Variants in HECW2 observed in about 807,000 individuals in gnomAD.
The protein encoded by HECW2 is E3 ubiquitin-protein ligase HECW2.
Under a neutral mutation model 175.2 loss-of-function variants are expected in HECW2, and 61 were observed. That is an observed-to-expected ratio of 0.35 (90% CI 0.28 to 0.43). The LOEUF is 0.43. Ranked by LOEUF, HECW2 falls within the 20% of genes least tolerant of loss-of-function variation. HECW2 has a pLI of 1.00. For missense variants in HECW2, 1,524 were observed against 2,000.5 expected, an observed-to-expected ratio of 0.76 and a Z score of 4.54; for synonymous variants, 671 against 731.0, an observed-to-expected ratio of 0.92 and a Z score of 1.32.
At chr2:196,349,638 A>G (rs1693100160) in intron 2 of HECW2, among the ~76,000 whole-genome samples, 2 of 152,096 alleles carry the variant, frequency 1.3e-5, no homozygotes. Context: ...GATTTCATTT[A>G]TTATTATTTT....
At chr2:196,404,974 G>A (rs1694925438) in intron 2 of HECW2, among the ~76,000 whole-genome samples, 1 of 142,028 alleles carries the variant, frequency 7.0e-6, no homozygotes, top group African/African-American at 2.6e-5. Context: ...ACAGGTGTCC[G>A]CCACCACTCC....
At chr2:196,454,217 A>G (rs1696434169) in intron 1 of HECW2, among the ~76,000 whole-genome samples, 1 of 152,126 alleles carries the variant, frequency 6.6e-6, no homozygotes, top group South Asian at 2.1e-4. Flanking sequence ...GCCTCGCCAG[A>G]TTTATACATG....
intron 1 of HECW2, among the ~76,000 whole-genome samples, chr2:196,502,273 T>A (rs1283559436): frequency 6.7e-6 from 1 of 149,592 alleles, no homozygotes; most frequent in Non-Finnish European, 1.5e-5. Flanking sequence ...TTCTTTGTTT[T>A]TATTTGTTTG....
chr2:196,437,203 T>C (rs987564274), intron 1 of HECW2, among the ~76,000 whole-genome samples: 2 of 151,936 alleles, frequency 1.3e-5, no homozygotes, highest in African/African-American at 2.4e-5. Flanking sequence ...AGCATTCTAA[T>C]TGGAAGCATG....
At chr2:196,520,280 AG>A (rs1254228303) in intron 1 of HECW2, among the ~76,000 whole-genome samples, 9 of 149,670 alleles carry the variant, frequency 6.0e-5, no homozygotes, top group Non-Finnish European at 3.0e-5. Context: ...AAAAAAAAAA[AG>A]ATCCAGTGAG....
At chr2:196,540,598 C>G (rs1313137656) in intron 1 of HECW2, among the ~76,000 whole-genome samples, 1 of 152,010 alleles carries the variant, frequency 6.6e-6, no homozygotes, top group Non-Finnish European at 1.5e-5. Flanking sequence ...AGTACAACAC[C>G]ATGCACGGCT....
intron 2 of HECW2, among the ~76,000 whole-genome samples, chr2:196,345,837 T>A (rs747080064): frequency 6.6e-6 from 1 of 152,226 alleles, no homozygotes; most frequent in Non-Finnish European, 1.5e-5. Context: ...TTCTGAAAGA[T>A]ACTTTAATTA....
intron 23 of HECW2, among the ~76,000 whole-genome samples, chr2:196,225,486 G>T (rs2105831369): frequency 6.6e-6 from 1 of 152,296 alleles, no homozygotes; most frequent in East Asian, 1.9e-4. Context: ...GGCTGTGTTT[G>T]AAGTACAATT....
intron 13 of HECW2, among the ~76,000 whole-genome samples, chr2:196,295,286 C>T (rs1266059792): frequency 2.1e-5 from 3 of 143,194 alleles, no homozygotes; most frequent in Non-Finnish European, 4.8e-5. Flanking sequence ...AGAAGTTGGG[C>T]AGTGTCAGAA....
At chr2:196,260,648 C>T (rs764956358) in intron 17 of HECW2, 5 of 152,150 alleles carry the variant, frequency 3.3e-5, no homozygotes, top group African/African-American at 9.7e-5. Context: ...AGTCCTTTCA[C>T]GTAGAAACAA....
chr2:196,401,906 A>T (rs1694826486), intron 2 of HECW2, among the ~76,000 whole-genome samples: 3 of 152,172 alleles, frequency 2.0e-5, no homozygotes, highest in African/African-American at 7.2e-5. Flanking sequence ...TAGGCGTCAT[A>T]AGAAGGGAAA....
At chr2:196,508,182 T>C (rs541718837) in intron 1 of HECW2, among the ~76,000 whole-genome samples, 1 of 152,336 alleles carries the variant, frequency 6.6e-6, no homozygotes, top group East Asian at 1.9e-4. Flanking sequence ...ACACTACTTT[T>C]CTTCAGCTAA....
At chr2:196,409,063 G>A (rs1168685942) in intron 2 of HECW2, among the ~76,000 whole-genome samples, 1 of 152,172 alleles carries the variant, frequency 6.6e-6, no homozygotes, top group African/African-American at 2.4e-5. Flanking sequence ...GGCCATGGTA[G>A]AAGTATTTAT....
intron 2 of HECW2, among the ~76,000 whole-genome samples, chr2:196,367,191 C>G (rs979229112): frequency 1.3e-5 from 2 of 152,152 alleles, no homozygotes; most frequent in African/African-American, 4.8e-5. Flanking sequence ...AAACATATCG[C>G]ACAGATTCCC....
At chr2:196,253,336 T>C (rs1688928359) in intron 19 of HECW2, among the ~76,000 whole-genome samples, 1 of 152,238 alleles carries the variant, frequency 6.6e-6, no homozygotes, top group South Asian at 2.1e-4. Context: ...AAAGCTCATT[T>C]GCCAAGCTGC....
At chr2:196,374,300 G>A (rs6434845) in intron 2 of HECW2, among the ~76,000 whole-genome samples, 152,226 of 152,312 alleles carry the variant, frequency 1, 76,070 homozygotes, top group Non-Finnish European at 1. Flanking sequence ...TACAATAGGA[G>A]CTTAACTGGA....
intron 2 of HECW2, among the ~76,000 whole-genome samples, chr2:196,402,278 T>G (rs1694843912): frequency 6.6e-6 from 1 of 151,748 alleles, no homozygotes; most frequent in Non-Finnish European, 1.5e-5. Context: ...ATGACAAGCT[T>G]TAGCTCAGAA....
intron 1 of HECW2, among the ~76,000 whole-genome samples, chr2:196,553,724 C>G (rs1184142401): frequency 6.6e-6 from 1 of 152,190 alleles, no homozygotes; most frequent in Non-Finnish European, 1.5e-5. Flanking sequence ...GCCAGTGGCT[C>G]ACTAGACCAA....
At chr2:196,367,040 T>C (rs1693762792) in intron 2 of HECW2, among the ~76,000 whole-genome samples, 1 of 152,194 alleles carries the variant, frequency 6.6e-6, no homozygotes, top group Non-Finnish European at 1.5e-5. Context: ...TTTCCAATAA[T>C]GCTTTGCATA....
Sources: gnomAD v4.1 joint callset for allele counts (sites outside exome capture counted in the v4.1 genomes callset) on GRCh38, gnomAD v4.1.1 for gene constraint, MANE v1.5 for transcripts, NCBI Gene and HGNC (gene_info 2026-07-23, HGNC 2026-07-21) for gene names.